MTHFS: variants seen among roughly 807,000 people sequenced by gnomAD.
MTHFS encodes 5-formyltetrahydrofolate cyclo-ligase.
In MTHFS, 7 loss-of-function variants were observed where a neutral mutation model predicts 12.7. That is an observed-to-expected ratio of 0.55 (90% CI 0.31 to 1.03). The LOEUF (loss-of-function observed/expected upper bound fraction) is 1.03, where lower values mean the gene tolerates loss of function less well. MTHFS is among the 50% of genes least tolerant of loss of function. The pLI is 0.05. For missense variants in MTHFS, 252 were observed against 258.1 expected (o/e 0.98, Z 0.16); for synonymous variants, 100 against 97.1 (o/e 1.03, Z -0.18).
Position 79,845,061 on chromosome 15 carries a change from A to G in MTHFS, c.*149T>C. Reference sequence around the variant, plus strand: ...TCTATTGGTTTTTAAAGATGGTTTTATATAAGGTATTTCATAATTACAATT... The same window carrying G: ...TCTATTGGTTTTTAAAGATGGTTTTGTATAAGGTATTTCATAATTACAATT... On this transcript the variant is annotated 3_prime_UTR_variant, in exon 3 of 3. Coordinates refer to ENST00000258874, the MANE Select transcript of MTHFS (RefSeq NM_006441.4). 9.6e-7 allele frequency: 1 copy of G among 1,043,552 alleles called. No individual in the cohort carries two copies. Among genetic ancestry groups the G allele is most frequent in the South Asian group, 1.7e-5 (1 of 58,782 alleles). 64.6% of individuals were successfully genotyped at this position (1,043,552 alleles called of 1,614,324 possible).
chr15:79,850,329 G>C (rs766962995), intron 2 of MTHFS, among the ~76,000 whole-genome samples: 6 of 152,126 alleles, frequency 3.9e-5, no homozygotes, highest in Non-Finnish European at 5.9e-5. Context: ...GTTCAGCAGA[G>C]CCAAAAAAAG....
At chr15:79,855,886 AT>A (rs1462280490) in intron 2 of MTHFS, among the ~76,000 whole-genome samples, 1 of 152,214 alleles carries the variant, frequency 6.6e-6, no homozygotes, top group African/African-American at 2.4e-5. Context: ...TATAGTATAT[AT>A]GTACCATATT....
chr15:79,886,464 T>A (rs1231918943), intron 2 of MTHFS, among the ~76,000 whole-genome samples: 1 of 151,628 alleles, frequency 6.6e-6, no homozygotes, highest in African/African-American at 2.4e-5. Context: ...CCCTTTACAA[T>A]CCAGATTGCA....
At chr15:79,896,767 G>A (rs2034582909) in intron 1 of MTHFS, 105 bp downstream of exon 1, 3 of 1,473,894 alleles carry the variant, frequency 2.0e-6, no homozygotes, top group South Asian at 1.3e-5. Flanking sequence ...GTGGGGGGGC[G>A]CCTAGCCCAG....
intron 2 of MTHFS, among the ~76,000 whole-genome samples, chr15:79,884,652 G>A (rs2034352031): frequency 6.6e-6 from 1 of 152,070 alleles, no homozygotes; most frequent in African/African-American, 2.4e-5. Flanking sequence ...TGGGAAGGAG[G>A]CAAGGATAAT....
intron 2 of MTHFS, among the ~76,000 whole-genome samples, chr15:79,850,031 G>A (rs75419062): frequency 1.2e-3 from 187 of 152,376 alleles, no homozygotes; most frequent in Non-Finnish European, 2.0e-3. Context: ...TTTCTTAGCT[G>A]TGTGATCATA....
At chr15:79,852,300 C>T (rs2033729812) in intron 2 of MTHFS, among the ~76,000 whole-genome samples, 1 of 152,086 alleles carries the variant, frequency 6.6e-6, no homozygotes, top group Admixed American at 6.5e-5. Flanking sequence ...ACAGCACATA[C>T]AAGGCAATAA....
At chr15:79,875,772 T>C (rs541033748) in intron 2 of MTHFS, 11 of 151,334 alleles carry the variant, frequency 7.3e-5, no homozygotes, top group Admixed American at 6.6e-4. Context: ...ATCAAGAGAG[T>C]GAAAAAACAC....
intron 2 of MTHFS, among the ~76,000 whole-genome samples, chr15:79,875,267 A>G (rs2034173169): frequency 6.6e-6 from 1 of 151,218 alleles, no homozygotes; most frequent in Non-Finnish European, 1.5e-5. Flanking sequence ...TCCCGCAACA[A>G]AAGCGACAAA....
intron 2 of MTHFS, among the ~76,000 whole-genome samples, chr15:79,875,701 G>C (rs945698162): frequency 2.6e-5 from 4 of 152,066 alleles, no homozygotes; most frequent in Non-Finnish European, 1.5e-5. Flanking sequence ...AAAAGCACAA[G>C]TAGCAAAAAA....
chr15:79,882,746 T>A (rs867812287), intron 2 of MTHFS, among the ~76,000 whole-genome samples: 2 of 152,206 alleles, frequency 1.3e-5, no homozygotes, highest in South Asian at 4.1e-4. Context: ...CAGCTCCCAA[T>A]TCAGGTGTAG....
intron 2 of MTHFS, among the ~76,000 whole-genome samples, chr15:79,882,514 G>A (rs977253188): frequency 2.0e-5 from 3 of 152,188 alleles, no homozygotes; most frequent in African/African-American, 7.2e-5. Context: ...CCTTACAGAA[G>A]AACACAGAAG....
At chr15:79,848,824 A>G (rs1372733789) in intron 2 of MTHFS, among the ~76,000 whole-genome samples, 1 of 152,136 alleles carries the variant, frequency 6.6e-6, no homozygotes, top group Admixed American at 6.5e-5. Flanking sequence ...AATTTCTTTG[A>G]GGGCCATAAT....
chr15:79,887,234 GA>G (rs34656829), intron 2 of MTHFS, among the ~76,000 whole-genome samples: 1,664 of 150,354 alleles, frequency 0.011, 16 homozygotes, highest in Non-Finnish European at 0.018. Flanking sequence ...CAAAAGAAAA[GA>G]AAAAAAAACC....
At chr15:79,862,832 G>A (rs1196281315) in intron 2 of MTHFS, among the ~76,000 whole-genome samples, 1 of 152,102 alleles carries the variant, frequency 6.6e-6, no homozygotes. Flanking sequence ...AATTGATCTT[G>A]GTCCATCTAC....
intron 2 of MTHFS, among the ~76,000 whole-genome samples, chr15:79,866,641 A>AT (rs1319686228): frequency 6.6e-6 from 1 of 151,966 alleles, no homozygotes. Context: ...CTTCCAAAAC[A>AT]TTTTTTTCTT....
At chr15:79,870,783 G>A (rs983866266) in intron 2 of MTHFS, among the ~76,000 whole-genome samples, 3 of 152,166 alleles carry the variant, frequency 2.0e-5, no homozygotes, top group African/African-American at 7.2e-5. Flanking sequence ...ATTCTTTAAA[G>A]AATATACACA....
chr15:79,875,222 G>GC (rs936881783), intron 2 of MTHFS, among the ~76,000 whole-genome samples: 6 of 151,562 alleles, frequency 4.0e-5, no homozygotes, highest in Admixed American at 3.3e-4. Context: ...TTCTGCCATG[G>GC]CTTCAGCCGG....
intron 2 of MTHFS, among the ~76,000 whole-genome samples, chr15:79,874,743 C>CTA (rs1253925992): frequency 6.6e-6 from 1 of 152,062 alleles, no homozygotes; most frequent in Non-Finnish European, 1.5e-5. Context: ...ATCTAGAAGG[C>CTA]TATCTCAGGG....
Sources: gnomAD v4.1 joint callset for allele counts (sites outside exome capture counted in the v4.1 genomes callset) on GRCh38, gnomAD v4.1.1 for gene constraint, MANE v1.5 for transcripts, NCBI Gene and HGNC (gene_info 2026-07-23, HGNC 2026-07-21) for gene names.